The following DENND1B variants were observed in gnomAD, a reference collection of about 807,000 sequenced individuals.
The protein encoded by DENND1B is DENN domain containing 1B.
A neutral mutation model predicts 90.1 loss-of-function variants in DENND1B; 59 were observed. The observed-to-expected ratio is 0.65, with a 90% confidence interval of 0.53 to 0.81. DENND1B has a LOEUF of 0.81. Ranked by LOEUF, DENND1B falls within the 40% of genes least tolerant of loss-of-function variation. DENND1B has a pLI of 0.00. For synonymous variants in DENND1B, 337 were observed against 324.6 expected (o/e 1.04, Z -0.41); for missense variants, 862 against 912.6 (o/e 0.94, Z 0.71).
chr1:197,581,536 T>C (rs1232810861), intron 15 of DENND1B, among the ~76,000 whole-genome samples: 4 of 152,190 alleles, frequency 2.6e-5, no homozygotes, highest in Admixed American at 1.3e-4. Context: ...TTAATTCACA[T>C]AAACCTTATA....
At position 197,704,901 on chromosome 1, in the gene DENND1B, G is replaced by A. The variant is rs114202841; in HGVS notation, c.126+10130C>T. On this transcript the variant is annotated intron_variant, in intron 3 of 22. Transcript: ENST00000620048. Reference sequence around the variant, plus strand: ...AAACGCTTTTGAGTCAGACAAACATGTCTTCAAATCTTAGCTCTGCCTCTT... The same window carrying A: ...AAACGCTTTTGAGTCAGACAAACATATCTTCAAATCTTAGCTCTGCCTCTT... Among the ~76,000 whole-genome samples, 272 of 152,130 alleles carry A rather than the reference G, an allele frequency of 1.8e-3. 2 individuals are homozygous for A. The highest frequency in any genetic ancestry group is 2.6e-3 in the Non-Finnish European group (175 of 67,994).
At chr1:197,568,143 A>C (rs1272041995) in intron 15 of DENND1B, among the ~76,000 whole-genome samples, 1 of 152,114 alleles carries the variant, frequency 6.6e-6, no homozygotes, top group South Asian at 2.1e-4. Context: ...GTTGGAACTA[A>C]TAAGCAAAAT....
intron 15 of DENND1B, among the ~76,000 whole-genome samples, chr1:197,564,395 C>CAAAAAAAAAAA (rs71131780): frequency 1.3e-4 from 8 of 63,150 alleles, no homozygotes; most frequent in Admixed American, 2.5e-4. Context: ...CCTCCACCAG[C>CAAAAAAAAAAA]AAAAAAAAAA....
intron 3 of DENND1B, chr1:197,689,370 C>T (rs1657608728): frequency 6.6e-6 from 1 of 152,118 alleles, no homozygotes; most frequent in Admixed American, 6.6e-5. Context: ...TCAATTATCT[C>T]TCACCAGGTC....
intron 3 of DENND1B, among the ~76,000 whole-genome samples, chr1:197,674,442 T>C (rs1410044746): frequency 2.0e-5 from 3 of 152,184 alleles, no homozygotes; most frequent in African/African-American, 7.2e-5. Flanking sequence ...GGGATTCCCT[T>C]CAACAAGGCC....
At chr1:197,756,606 T>C (rs1038320215) in intron 2 of DENND1B, among the ~76,000 whole-genome samples, 3 of 131,332 alleles carry the variant, frequency 2.3e-5, no homozygotes, top group Non-Finnish European at 4.9e-5. Context: ...AAAAAAAATA[T>C]GCCCCCATTA....
In DENND1B at chr1:197,647,104, A is replaced by C; in HGVS notation, c.458T>G (p.Ile153Arg). 2.0e-6 allele frequency: 3 copies of C among 1,464,018 alleles called. No homozygotes were observed. The South Asian group carries it at 4.4e-5, about 21-fold the overall frequency. 90.7% of individuals were successfully genotyped at this position (1,464,018 alleles called of 1,614,324 possible). Residue 153 changes from isoleucine to arginine, a missense_variant, in exon 8 of 23, where the codon ATA (isoleucine) becomes AGA (arginine). Coordinates refer to ENST00000620048, the MANE Select transcript of DENND1B (RefSeq NM_001195215.2). ...CAGAACTTGCTCACAGGCAATAAAT[A>C]TCTCTTGGTTCTTATAATACATGAG... ...TPVNLSVNQE[I>R]FIACEQVLKD...
At chr1:197,547,311 C>T (rs1054004071) in intron 16 of DENND1B, among the ~76,000 whole-genome samples, 3 of 151,576 alleles carry the variant, frequency 2.0e-5, no homozygotes, top group African/African-American at 2.4e-5. Flanking sequence ...AGACACTATC[C>T]AATACAAAGA....
chr1:197,771,716 T>G (rs1267892577), intron 2 of DENND1B, among the ~76,000 whole-genome samples: 1 of 152,182 alleles, frequency 6.6e-6, no homozygotes, highest in Non-Finnish European at 1.5e-5. Context: ...TCAGCAGACT[T>G]TCCTCCAAGG....
Position 197,775,145 on chromosome 1 carries a change from C to G in DENND1B, c.11G>C (p.Arg4Thr). 1 of 1,307,268 alleles carries G rather than the reference C, an allele frequency of 7.6e-7. No homozygotes were observed. The highest frequency in any genetic ancestry group is 2.5e-5 in the South Asian group (1 of 40,160). The allele number at this position is 1,307,268 out of a possible 1,614,324, so 81.0% of individuals were successfully genotyped here. A position where few individuals can be genotyped will look rare whatever the true frequency, so the allele number is the denominator to read the frequency against. MDC[R>T]TKANPDRTFD... is the part of the protein sequence containing the mutation. ...CCCGGGCCCCCCCACTCACTTGGTC[C>G]TGCAGTCCATGGTTACATGTCGGTG... The change falls in exon 1 of 23, where the codon AGG becomes ACG. Residue 4 changes from arginine to threonine, a missense_variant. Transcript: ENST00000620048.
chr1:197,747,192 A>G, intron 2 of DENND1B: 2 of 730,616 alleles, frequency 2.7e-6, no homozygotes, highest in South Asian at 2.8e-5. Flanking sequence ...TCTGTTCAGA[A>G]TGTTTTTTAT....
the DENND1B span, among the ~76,000 whole-genome samples, chr1:197,780,772 G>C: frequency 6.6e-6 from 1 of 152,094 alleles, no homozygotes; most frequent in African/African-American, 2.4e-5. Flanking sequence ...ATAATTACTT[G>C]GTTCTGACTA....
At chr1:197,770,633 A>AATATATATCTATAAATAC (rs1656332388) in intron 2 of DENND1B, among the ~76,000 whole-genome samples, 1 of 69,412 alleles carries the variant, frequency 1.4e-5, no homozygotes, top group Non-Finnish European at 2.6e-5. Context: ...TATATATAAA[A>AATATATATCTATAAATAC]ATATATATCT....
At chr1:197,618,862 A>C (rs1677893708) in intron 10 of DENND1B, among the ~76,000 whole-genome samples, 1 of 151,172 alleles carries the variant, frequency 6.6e-6, no homozygotes, top group Non-Finnish European at 1.5e-5. Flanking sequence ...CTAAGTGATA[A>C]GCACAATTAA....
intron 3 of DENND1B, among the ~76,000 whole-genome samples, chr1:197,701,361 T>G (rs1056385398): frequency 6.6e-6 from 1 of 152,124 alleles, no homozygotes; most frequent in African/African-American, 2.4e-5. Flanking sequence ...TTCTCACTTA[T>G]AAGTGGGAGT....
rs185261004 is a variant in DENND1B at position 197,596,164 on chromosome 1, G to C, written c.922-831C>G. Among the ~76,000 whole-genome samples, 733 of 151,992 alleles carry C rather than the reference G, an allele frequency of 4.8e-3. 14 individuals carry two copies. Among genetic ancestry groups the C allele is most frequent in the Middle Eastern group, 0.034 (10 of 294 alleles). Reference sequence around the variant, plus strand: ...CAAAGAAAAACTTACCTAAAAATGTGCATAATTTTAAAAGATATTTAAGTT... The same window carrying C: ...CAAAGAAAAACTTACCTAAAAATGTCCATAATTTTAAAAGATATTTAAGTT... On this transcript the variant is annotated intron_variant, in intron 13 of 22. Transcript: ENST00000620048.
chr1:197,752,203 G>A (rs1431256835), intron 2 of DENND1B, among the ~76,000 whole-genome samples: 2 of 151,904 alleles, frequency 1.3e-5, no homozygotes, highest in Non-Finnish European at 2.9e-5. Context: ...AGAAAAGGGG[G>A]CTTATCACTG....
At chr1:197,554,378 C>T (rs1428711920) in intron 15 of DENND1B, among the ~76,000 whole-genome samples, 1 of 151,758 alleles carries the variant, frequency 6.6e-6, no homozygotes, top group East Asian at 1.9e-4. Context: ...CTAATCCTGA[C>T]CATTTTTTAC....
intron 3 of DENND1B, among the ~76,000 whole-genome samples, chr1:197,696,363 A>G (rs968617410): frequency 6.6e-6 from 1 of 151,562 alleles, no homozygotes; most frequent in African/African-American, 2.4e-5. Flanking sequence ...ATCATGTAAC[A>G]TATGCACTTT....
Sources: gnomAD v4.1 joint callset for allele counts (sites outside exome capture counted in the v4.1 genomes callset) on GRCh38, gnomAD v4.1.1 for gene constraint, MANE v1.5 for transcripts, NCBI Gene and HGNC (gene_info 2026-07-23, HGNC 2026-07-21) for gene names.